The following USH2A variants were observed in gnomAD, a reference collection of about 807,000 sequenced individuals.
The protein encoded by USH2A is usherin.
Under a neutral mutation model 538.9 loss-of-function variants are expected in USH2A, and 443 were observed. The observed-to-expected ratio is 0.82, with a 90% CI of 0.76 to 0.89. The LOEUF (loss-of-function observed/expected upper bound fraction) is 0.89. USH2A is among the 40% of genes least tolerant of loss of function. The pLI is 0.00. For missense variants in USH2A, 6,633 were observed against 6,324.8 expected (o/e 1.05, Z -1.65); for synonymous variants, 2,413 against 2,273.5 (o/e 1.06, Z -1.75).
intron 14 of USH2A, among the ~76,000 whole-genome samples, chr1:216,226,732 C>T (rs2035569942): frequency 6.6e-6 from 1 of 152,216 alleles, no homozygotes; most frequent in Non-Finnish European, 1.5e-5. Flanking sequence ...CTTTATTCTA[C>T]ACAGGCCCCT....
At chr1:215,804,457 T>C (rs1466401066) in intron 49 of USH2A, among the ~76,000 whole-genome samples, 4 of 151,382 alleles carry the variant, frequency 2.6e-5, no homozygotes, top group African/African-American at 9.7e-5. Context: ...AACAACCCCA[T>C]CAAAAAGTGG....
intron 60 of USH2A, among the ~76,000 whole-genome samples, chr1:215,731,270 C>G (rs1484007046): frequency 6.6e-6 from 1 of 152,150 alleles, no homozygotes; most frequent in Admixed American, 6.5e-5. Flanking sequence ...TTAAGTATTT[C>G]TTATCGCTAT....
In USH2A at chr1:216,217,840, C is replaced by A. The variant is rs918673196; in HGVS notation, c.2994-290G>T. 2.3e-4 allele frequency among the ~76,000 whole-genome samples: 35 copies of A among 152,128 alleles called. 1 individual carries two copies. The highest frequency in any genetic ancestry group is 3.4e-3 in the Middle Eastern group (1 of 294). On this transcript the variant is annotated intron_variant, in intron 14 of 71. Transcript: ENST00000307340. The stretch of plus-strand genomic sequence containing the variant: ...TGCTTTTTTACATCCCACAATATAT[C>A]TTATGGATTAGTTTGAATCCAGTTG...
intron 9 of USH2A, among the ~76,000 whole-genome samples, chr1:216,296,245 T>C (rs1290816126): frequency 1.3e-5 from 2 of 152,084 alleles, no homozygotes; most frequent in Non-Finnish European, 2.9e-5. Context: ...CTTTTGGTCA[T>C]TTTACAATGG....
chr1:215,985,697 C>T (rs570529510), intron 35 of USH2A, among the ~76,000 whole-genome samples: 1 of 152,034 alleles, frequency 6.6e-6, no homozygotes, highest in Non-Finnish European at 1.5e-5. Flanking sequence ...TGTATTTATA[C>T]ATATATCTTC....
At chr1:215,801,127 A>G (rs1344136907) in intron 49 of USH2A, among the ~76,000 whole-genome samples, 1 of 152,172 alleles carries the variant, frequency 6.6e-6, no homozygotes, top group African/African-American at 2.4e-5. Flanking sequence ...GGAATAGATG[A>G]AAACTACTTC....
At chr1:215,823,959 T>C (rs1663086073) in intron 47 of USH2A, among the ~76,000 whole-genome samples, 1 of 152,142 alleles carries the variant, frequency 6.6e-6, no homozygotes, top group African/African-American at 2.4e-5. Context: ...TTGGTGATCA[T>C]GAGTTTCCTT....
intron 6 of USH2A, among the ~76,000 whole-genome samples, chr1:216,324,838 C>T (rs911029961): frequency 3.3e-5 from 5 of 152,132 alleles, no homozygotes; most frequent in African/African-American, 1.2e-4. Context: ...TCAGTTTTCA[C>T]CTTGTAGTGG....
At chr1:216,393,356 T>C (rs1361855632) in intron 3 of USH2A, among the ~76,000 whole-genome samples, 1 of 152,196 alleles carries the variant, frequency 6.6e-6, no homozygotes, top group Non-Finnish European at 1.5e-5. Flanking sequence ...TCAAGGAAGT[T>C]CCTAAAGTAC....
chr1:215,625,383 A>C lies in USH2A; in HGVS notation c.*398T>G, dbSNP rs1655979546. ...GAAATGGCAGATAGAAATGAACAGC[A>C]GTGACATCCTTTCAACAGAATCATT... On this transcript the variant is annotated 3_prime_UTR_variant, in exon 72 of 72. Coordinates refer to ENST00000307340, the MANE Select transcript of USH2A (RefSeq NM_206933.4). 3.6e-6 allele frequency: 1 copy of C among 279,022 alleles called. No individual in the cohort carries two copies. The highest frequency in any genetic ancestry group is 7.0e-6 in the Non-Finnish European group (1 of 143,838). 17.3% of individuals were successfully genotyped at this position (279,022 alleles called of 1,614,324 possible).
intron 43 of USH2A, among the ~76,000 whole-genome samples, chr1:215,875,385 A>G (rs901375061): frequency 6.6e-6 from 1 of 152,190 alleles, no homozygotes; most frequent in Non-Finnish European, 1.5e-5. Flanking sequence ...GACATTTGGC[A>G]TTATGAAACT....
At chr1:215,924,229 G>T (rs1666175902) in intron 38 of USH2A, among the ~76,000 whole-genome samples, 2 of 152,078 alleles carry the variant, frequency 1.3e-5, no homozygotes, top group South Asian at 4.1e-4. Flanking sequence ...CATAGTGGTT[G>T]TAAGTGAATT....
intron 64 of USH2A, 67 bp from the exon 65 acceptor site, chr1:215,650,868 A>G: frequency 6.4e-7 from 1 of 1,560,416 alleles, no homozygotes; most frequent in Admixed American, 1.9e-5. Context: ...AAAAAAAAAA[A>G]AGAAAGGAAA....
intron 14 of USH2A, among the ~76,000 whole-genome samples, chr1:216,223,237 A>G (rs2035493104): frequency 6.6e-6 from 1 of 152,142 alleles, no homozygotes; most frequent in African/African-American, 2.4e-5. Context: ...ACAAAACTGA[A>G]ACCTGGATAT....
At chr1:215,691,096 C>A (rs946613344) in intron 61 of USH2A, among the ~76,000 whole-genome samples, 1 of 152,108 alleles carries the variant, frequency 6.6e-6, no homozygotes, top group Non-Finnish European at 1.5e-5. Context: ...ATTGGCCAGG[C>A]TGGTCTCGAA....
intron 35 of USH2A, among the ~76,000 whole-genome samples, chr1:215,979,066 G>A (rs1667688279): frequency 6.6e-6 from 1 of 152,142 alleles, no homozygotes; most frequent in Non-Finnish European, 1.5e-5. Context: ...AGTTCCACAT[G>A]GCTAGGGAGG....
At chr1:216,048,711 G>T in intron 30 of USH2A, 64 bp from the exon 31 acceptor site, 2 of 1,282,162 alleles carry the variant, frequency 1.6e-6, no homozygotes, top group Non-Finnish European at 2.3e-6. Flanking sequence ...AGAGCATTGT[G>T]TGTATATCTG....
At chr1:215,689,001 A>C (rs1658518406) in intron 61 of USH2A, among the ~76,000 whole-genome samples, 1 of 151,064 alleles carries the variant, frequency 6.6e-6, no homozygotes. Flanking sequence ...TTGAATGTAG[A>C]ACCAATAGAA....
intron 46 of USH2A, among the ~76,000 whole-genome samples, chr1:215,843,905 T>A (rs1263452208): frequency 6.6e-6 from 1 of 152,152 alleles, no homozygotes; most frequent in Admixed American, 6.6e-5. Flanking sequence ...GATATTAAAT[T>A]AGTAAATAGG....
Sources: gnomAD v4.1 joint callset for allele counts (sites outside exome capture counted in the v4.1 genomes callset) on GRCh38, gnomAD v4.1.1 for gene constraint, MANE v1.5 for transcripts, NCBI Gene and HGNC (gene_info 2026-07-23, HGNC 2026-07-21) for gene names.